PPP1R1C: variants seen among roughly 807,000 people sequenced by gnomAD.
PPP1R1C encodes protein phosphatase 1 regulatory subunit 1C.
In PPP1R1C, 15 loss-of-function variants were observed where a neutral mutation model predicts 17.4. The ratio of observed to expected loss-of-function variants is 0.86; its 90% CI spans 0.58 to 1.33. PPP1R1C has a LOEUF of 1.33. PPP1R1C is among the 40% of genes most tolerant of loss of function. The pLI, the probability that PPP1R1C is intolerant of heterozygous loss-of-function variation, is 0.00. For missense variants in PPP1R1C, 143 were observed against 130.0 expected (o/e 1.10, Z -0.48); for synonymous variants, 35 against 43.1 (o/e 0.81, Z 0.73).
chr2:182,062,319 T>G (rs1025312243), intron 3 of PPP1R1C, among the ~76,000 whole-genome samples: 1 of 152,150 alleles, frequency 6.6e-6, no homozygotes, highest in African/African-American at 2.4e-5. Context: ...TTAGTTTTTA[T>G]TAGTAAGTTT....
intron 2 of PPP1R1C, among the ~76,000 whole-genome samples, chr2:181,975,422 A>G (rs1176883348): frequency 6.6e-6 from 1 of 151,936 alleles, no homozygotes; most frequent in Non-Finnish European, 1.5e-5. Flanking sequence ...TGTGAAGTTC[A>G]TTCAAATTTA....
At chr2:182,034,083 C>G (rs1182316158) in intron 2 of PPP1R1C, among the ~76,000 whole-genome samples, 1 of 152,064 alleles carries the variant, frequency 6.6e-6, no homozygotes, top group African/African-American at 2.4e-5. Context: ...CATGAGCACA[C>G]CATAATACAT....
intron 2 of PPP1R1C, among the ~76,000 whole-genome samples, chr2:182,007,922 G>C (rs1163829261): frequency 6.6e-6 from 1 of 152,044 alleles, no homozygotes; most frequent in African/African-American, 2.4e-5. Flanking sequence ...AAAAAACTTA[G>C]CCGGGAGTGG....
chr2:181,986,266 G>C, intron 1 of PPP1R1C, 75 bp downstream of exon 1: 2 of 1,202,944 alleles, frequency 1.7e-6, no homozygotes, highest in South Asian at 1.2e-5. Context: ...TTAATTGAAA[G>C]GTTCTTTACC....
chr2:181,958,812 TTC>T (rs1358024030), intron 1 of PPP1R1C, among the ~76,000 whole-genome samples: 1 of 152,258 alleles, frequency 6.6e-6, no homozygotes, highest in Non-Finnish European at 1.5e-5. Context: ...AGGGTGGTCA[TTC>T]TTTTTCATTG....
intron 1 of PPP1R1C, among the ~76,000 whole-genome samples, chr2:181,969,487 CT>C (rs1186438996): frequency 6.6e-6 from 1 of 152,074 alleles, no homozygotes; most frequent in Non-Finnish European, 1.5e-5. Context: ...ATTGGAACTT[CT>C]TTGTTATTTG....
At chr2:182,083,265 T>C (rs887185857) in intron 4 of PPP1R1C, among the ~76,000 whole-genome samples, 2 of 152,200 alleles carry the variant, frequency 1.3e-5, no homozygotes, top group African/African-American at 4.8e-5. Flanking sequence ...TATTTTTATT[T>C]CAATAGTTTT....
rs149001946 is a variant in PPP1R1C at position 181,961,698 on chromosome 2, T to C, written n.111+7064T>C. 2.1e-3 allele frequency: 1,658 copies of C among 788,730 alleles called. 4 individuals are homozygous for C. The highest frequency in any genetic ancestry group is 3.0e-3 in the Non-Finnish European group (1,316 of 445,582). The allele number at this position is 788,730 out of a possible 1,614,324, so 48.9% of individuals were successfully genotyped here. ...ACTTGTCCAGCTCCTCTCAGTTCTT[T>C]CGAGTCAGCTCATCATATTGGGCCC... On this transcript the variant is annotated intron_variant and non_coding_transcript_variant, in intron 1 of 5. Transcript: ENST00000464264. The surrounding 1 kb of genome is among the most constrained non-coding windows in gnomAD (Gnocchi z 5.8).
rs1254528429 is a variant in PPP1R1C at position 181,967,428 on chromosome 2, C to T, written n.112-7791C>T. Among the ~76,000 whole-genome samples, 1 of 151,990 alleles carries T rather than the reference C, an allele frequency of 6.6e-6. No homozygotes were observed. Among genetic ancestry groups the T allele is most frequent in the Non-Finnish European group, 1.5e-5 (1 of 67,996 alleles). ...ATTTTCCACTTTGTTGATGTGGGTG[C>T]TTATTGCTATAAACTTTCTTCTTAG... On this transcript the variant is annotated intron_variant and non_coding_transcript_variant, in intron 1 of 5. Transcript: ENST00000464264. This position sits in a 1 kb window ranked among gnomAD's most constrained non-coding sequence, Gnocchi z 5.5.
chr2:182,052,352 A>G (rs1687547058), intron 2 of PPP1R1C, among the ~76,000 whole-genome samples: 1 of 152,232 alleles, frequency 6.6e-6, no homozygotes, highest in African/African-American at 2.4e-5. Context: ...CAAGAAAAGA[A>G]TATTGGGAAA....
chr2:182,120,404 C>T (rs750403589), downstream of PPP1R1C, among the ~76,000 whole-genome samples: 5 of 151,922 alleles, frequency 3.3e-5, no homozygotes, highest in Non-Finnish European at 7.4e-5. Flanking sequence ...ATTGATAGAT[C>T]GCTAGCAAGA....
At chr2:182,087,792 T>A (rs1688671359) in intron 4 of PPP1R1C, among the ~76,000 whole-genome samples, 1 of 152,250 alleles carries the variant, frequency 6.6e-6, no homozygotes, top group Non-Finnish European at 1.5e-5. Flanking sequence ...GACACAACTT[T>A]TGGTCAGAGT....
At chr2:182,025,863 A>G (rs1686592398) in intron 2 of PPP1R1C, among the ~76,000 whole-genome samples, 2 of 144,992 alleles carry the variant, frequency 1.4e-5, no homozygotes, top group Admixed American at 6.7e-5. Flanking sequence ...CATCCTCTCC[A>G]GCACCTGTTG....
Position 181,965,206 on chromosome 2 carries a change from C to T in PPP1R1C, n.112-10013C>T, listed in dbSNP as rs183603666. 1.3e-3 allele frequency among the ~76,000 whole-genome samples: 205 copies of T among 152,246 alleles called. 4 individuals are homozygous for T. The highest frequency in any genetic ancestry group is 0.013 in the Admixed American group (203 of 15,294). On this transcript the variant is annotated intron_variant and non_coding_transcript_variant, in intron 1 of 5. Transcript: ENST00000464264. ...TATATTTTTGTTATTAATCCCTTGT[C>T]ATAAGAATAGTTTGCAAACATTTTC...
chr2:181,990,463 C>G (rs944637874), intron 2 of PPP1R1C, among the ~76,000 whole-genome samples: 1 of 152,090 alleles, frequency 6.6e-6, no homozygotes, highest in Non-Finnish European at 1.5e-5. Flanking sequence ...ATTTTCTCAT[C>G]TATAAAATAG....
At chr2:182,031,760 A>T (rs1313992433) in intron 2 of PPP1R1C, among the ~76,000 whole-genome samples, 2 of 152,230 alleles carry the variant, frequency 1.3e-5, no homozygotes, top group East Asian at 3.8e-4. Context: ...AAACTTCAAA[A>T]TTTATAAATT....
Position 181,961,194 on chromosome 2 carries a change from T to C in PPP1R1C, n.111+6560T>C. On this transcript the variant is annotated intron_variant and non_coding_transcript_variant, in intron 1 of 5. Coordinates refer to the PPP1R1C transcript ENST00000464264. This position sits in a 1 kb window ranked among gnomAD's most constrained non-coding sequence, Gnocchi z 5.8. ...TCCTGCTCCCCAAAGGGTACCCTGC[T>C]TCTGCTGGCTTGATGTCTTAGAACT... 1.1e-6 allele frequency: 1 copy of C among 873,724 alleles called. No individual in the cohort carries two copies. Among genetic ancestry groups the C allele is most frequent in the Non-Finnish European group, 1.9e-6 (1 of 527,700 alleles). The allele number at this position is 873,724 out of a possible 1,614,324, so 54.1% of individuals were successfully genotyped here.
chr2:182,086,863 C>T (rs886572161), intron 4 of PPP1R1C, among the ~76,000 whole-genome samples: 1 of 151,888 alleles, frequency 6.6e-6, no homozygotes, highest in Non-Finnish European at 1.5e-5. Context: ...AAACTTAACA[C>T]GTCCCTGACA....
At chr2:182,100,840 A>T (rs548065713) in intron 4 of PPP1R1C, among the ~76,000 whole-genome samples, 46 of 152,298 alleles carry the variant, frequency 3.0e-4, no homozygotes, top group Admixed American at 5.9e-4. Flanking sequence ...CTCCGTAATG[A>T]TGACTTGGTT....
Sources: allele counts gnomAD v4.1 joint callset (sites outside exome capture counted in the v4.1 genomes callset), GRCh38; gene constraint gnomAD v4.1.1; non-coding constraint Gnocchi (gnomAD v3.1); transcripts MANE v1.5; gene names NCBI Gene and HGNC (gene_info 2026-07-23, HGNC 2026-07-21).